CCR3: variants seen among roughly 807,000 people sequenced by gnomAD.
CCR3 encodes C-C motif chemokine receptor 3, also known as C-C chemokine receptor type 3.
For synonymous variants in CCR3, 203 were observed against 179.2 expected, an observed-to-expected ratio of 1.13 and a Z score of -1.06; for missense variants, 419 against 437.5, an observed-to-expected ratio of 0.96 and a Z score of 0.38.
At chr3:46,244,380 G>A (rs1350788128) in intron 1 of CCR3, among the ~76,000 whole-genome samples, 1 of 152,142 alleles carries the variant, frequency 6.6e-6, no homozygotes, top group African/African-American at 2.4e-5. Context: ...TTTCATGCGC[G>A]TCCGTGTGAA....
chr3:46,266,190 A>G lies in CCR3; in HGVS notation c.1032A>G (p.Pro344=). 6.2e-7 allele frequency: 1 copy of G among 1,613,820 alleles called. No individual in the cohort carries two copies. Among genetic ancestry groups the G allele is most frequent in the Non-Finnish European group, 8.5e-7 (1 of 1,179,770 alleles). ...EKLERTSSVS[P]STAEPELSIV... is the part of the protein sequence containing the mutation. ...TGGAAAGAACCAGCTCTGTCTCTCC[A>G]TCCACAGCAGAGCCGGAACTCTCTA... is the stretch of plus-strand genomic sequence containing the variant. Residue 344 remains proline (P), a synonymous_variant, in exon 2 of 2, where the codon CCA becomes CCG. Transcript: ENST00000395940.
At position 46,265,967 on chromosome 3, in the gene CCR3, G is replaced by T; in HGVS notation, c.809G>T (p.Gly270Val). The part of the protein sequence containing the change: ...LLSSYQSILF[G>V]NDCERSKHLD... ...TCTTCCTATCAATCCATCTTATTTGGAAATGACTGTGAGCGGAGCAAGCAT... is the reference window on the plus strand; with the variant it reads ...TCTTCCTATCAATCCATCTTATTTGTAAATGACTGTGAGCGGAGCAAGCAT... Residue 270 changes from glycine (G) to valine (V), a missense_variant, in exon 2 of 2, where the codon GGA (glycine) becomes GTA (valine). Coordinates refer to ENST00000395940, the MANE Select transcript of CCR3 (RefSeq NM_178329.3). 6.2e-7 allele frequency: 1 copy of T among 1,614,032 alleles called. No individual in the cohort carries two copies. Among genetic ancestry groups the T allele is most frequent in the Non-Finnish European group, 8.5e-7 (1 of 1,180,000 alleles).
intron 2 of CCR3, among the ~76,000 whole-genome samples, chr3:46,216,446 C>G (rs1699775609): frequency 6.6e-6 from 1 of 152,136 alleles, no homozygotes; most frequent in Non-Finnish European, 1.5e-5. Context: ...GAAAATTTCT[C>G]CAGTCTTGCT....
Position 46,262,386 on chromosome 3 carries a change from C to T in CCR3, c.-11-2762C>T, listed in dbSNP as rs199962509. On this transcript the variant is annotated intron_variant, in intron 1 of 1. Transcript: ENST00000395940. ...ACCTCACTTTTGTAAATCTTGCACACGGGCATCCATATCTGCACAGAGATA... is the reference window on the plus strand; with the variant it reads ...ACCTCACTTTTGTAAATCTTGCACATGGGCATCCATATCTGCACAGAGATA... Among the ~76,000 whole-genome samples the T allele has an allele frequency of 8.5e-5, 13 of 152,314 alleles. No homozygotes were observed. The South Asian group carries it at 2.3e-3, about 27-fold the overall frequency.
chr3:46,228,053 T>C (rs966812259), intron 2 of CCR3, among the ~76,000 whole-genome samples: 3 of 152,114 alleles, frequency 2.0e-5, no homozygotes, highest in Non-Finnish European at 4.4e-5. Flanking sequence ...ACCTTGACAA[T>C]AGGAAGATAA....
At chr3:46,264,136 T>C in intron 1 of CCR3, 1 of 415,088 alleles carries the variant, frequency 2.4e-6, no homozygotes, top group East Asian at 5.6e-5. Flanking sequence ...GCACTGGCCT[T>C]AGGGCTCCTG....
At chr3:46,263,865 T>C (rs1189420844) in intron 1 of CCR3, 1 of 153,914 alleles carries the variant, frequency 6.5e-6, no homozygotes, top group African/African-American at 2.4e-5. Flanking sequence ...CAGTATTCGA[T>C]CAATTATTCT....
intron 2 of CCR3, among the ~76,000 whole-genome samples, chr3:46,232,990 G>A (rs550692946): frequency 2.0e-4 from 31 of 152,248 alleles, no homozygotes; most frequent in Middle Eastern, 3.4e-3. Flanking sequence ...ACGCCACCAC[G>A]CCTGGCTAAT....
rs745859995 is a variant in CCR3, at chr3:46,265,300, G to T, written c.142G>T (p.Gly48Cys). ...GCTGTACTCCCTGGTGTTCACTGTG[G>T]GCCTCTTGGGCAATGTGGTGGTGGT... Reference protein sequence around the residue: ...PPLYSLVFTVGLLGNVVVVMI... With the variant: ...PPLYSLVFTVCLLGNVVVVMI... The change falls in exon 2 of 2, where the codon GGC (glycine) becomes TGC (cysteine). Residue 48 changes from glycine to cysteine, a missense_variant. Gly to Cys is a radical substitution (Grantham distance 159). Transcript: ENST00000395940. 6.2e-7 allele frequency: 1 copy of T among 1,614,026 alleles called. No individual in the cohort carries two copies. The highest frequency in any genetic ancestry group is 1.1e-5 in the South Asian group (1 of 91,076).
chr3:46,253,155 C>G (rs1700350330), intron 1 of CCR3, among the ~76,000 whole-genome samples: 1 of 152,120 alleles, frequency 6.6e-6, no homozygotes, highest in Non-Finnish European at 1.5e-5. Flanking sequence ...CAATCTTCCT[C>G]CCTCTGGGGG....
chr3:46,216,322 G>A (rs1377876989), intron 2 of CCR3, among the ~76,000 whole-genome samples: 2 of 152,152 alleles, frequency 1.3e-5, no homozygotes, highest in Non-Finnish European at 2.9e-5. Flanking sequence ...TGTACACACT[G>A]CACACATTGG....
chr3:46,244,084 C>T (rs949252948), intron 1 of CCR3, among the ~76,000 whole-genome samples: 2 of 151,966 alleles, frequency 1.3e-5, no homozygotes, highest in Non-Finnish European at 2.9e-5. Context: ...CAAGAGACTT[C>T]GAAATATAAT....
At chr3:46,252,683 T>C (rs1700339163) in intron 1 of CCR3, among the ~76,000 whole-genome samples, 2 of 152,106 alleles carry the variant, frequency 1.3e-5, no homozygotes, top group Admixed American at 6.6e-5. Flanking sequence ...GGTAATTGGA[T>C]GGAAACAAGA....
At position 46,266,180 on chromosome 3, in the gene CCR3, C is replaced by G; in HGVS notation, c.1022C>G (p.Ser341Cys). ...AGTGAGAAGCTGGAAAGAACCAGCT[C>G]TGTCTCTCCATCCACAGCAGAGCCG... The part of the protein sequence containing the change: ...LPSEKLERTS[S>C]VSPSTAEPEL... Residue 341 changes from serine (S) to cysteine (C), a missense_variant, in exon 2 of 2, where the codon TCT becomes TGT. Transcript: ENST00000395940. The G allele has an allele frequency of 6.2e-7, 1 of 1,613,960 alleles. No individual in the cohort carries two copies. Among genetic ancestry groups the G allele is most frequent in the South Asian group, 1.1e-5 (1 of 91,080 alleles).
chr3:46,256,659 T>G (rs540905234), intron 1 of CCR3, among the ~76,000 whole-genome samples: 7 of 152,276 alleles, frequency 4.6e-5, no homozygotes, highest in African/African-American at 1.7e-4. Flanking sequence ...TATTCATAAA[T>G]AAATAGTGTC....
chr3:46,240,640 G>A (rs1320225659), upstream of CCR3, among the ~76,000 whole-genome samples: 1 of 152,164 alleles, frequency 6.6e-6, no homozygotes, highest in Non-Finnish European at 1.5e-5. Context: ...CTGAGTGGCT[G>A]CCTCTTTCTC....
At chr3:46,252,169 CTTTTTTT>C (rs58623050) in intron 1 of CCR3, among the ~76,000 whole-genome samples, 3 of 86,846 alleles carry the variant, frequency 3.5e-5, no homozygotes, top group African/African-American at 1.3e-4. Flanking sequence ...TAGTTTCTGT[CTTTTTTT>C]TTTTTTTTTT....
At chr3:46,227,988 T>C (rs1208303888) in intron 2 of CCR3, among the ~76,000 whole-genome samples, 1 of 152,188 alleles carries the variant, frequency 6.6e-6, no homozygotes, top group Non-Finnish European at 1.5e-5. Context: ...GGTATCTACA[T>C]TTTATATGAA....
intron 2 of CCR3, among the ~76,000 whole-genome samples, chr3:46,236,010 T>G (rs1359921054): frequency 6.6e-6 from 1 of 152,220 alleles, no homozygotes; most frequent in Non-Finnish European, 1.5e-5. Flanking sequence ...ATGTCAAATG[T>G]TACTTTGTTT....
Sources: allele counts gnomAD v4.1 joint callset (sites outside exome capture counted in the v4.1 genomes callset), GRCh38; gene constraint gnomAD v4.1.1; transcripts MANE v1.5; gene names NCBI Gene and HGNC (gene_info 2026-07-23, HGNC 2026-07-21).